GPLD1: variants seen among roughly 807,000 people sequenced by gnomAD.
The protein encoded by GPLD1 is glycosylphosphatidylinositol specific phospholipase D1, also known as phosphatidylinositol-glycan-specific phospholipase D.
A neutral mutation model predicts 112.6 loss-of-function variants in GPLD1; 84 were observed. The observed-to-expected ratio is 0.75, with a 90% confidence interval of 0.63 to 0.89. The LOEUF is 0.89. Ranked by LOEUF, GPLD1 falls within the 40% of genes least tolerant of loss-of-function variation. The pLI, the probability that GPLD1 is intolerant of heterozygous loss-of-function variation, is 0.00. For missense variants in GPLD1, 1,044 were observed against 1,051.5 expected, an observed-to-expected ratio of 0.99 and a Z score of 0.10; for synonymous variants, 386 against 403.8, an observed-to-expected ratio of 0.96 and a Z score of 0.53.
In GPLD1 at chr6:24,468,555, A is replaced by ATT. The variant is rs141748600; in HGVS notation, c.546-1283_546-1282dup. Among the ~76,000 whole-genome samples, 271 of 142,642 alleles carry ATT rather than the reference A, an allele frequency of 1.9e-3. 4 individuals carry two copies. In the South Asian group the frequency reaches 0.024, roughly 13 times the overall value. 93.6% of individuals were successfully genotyped at this position (142,642 alleles called of 152,430 possible). A position where few individuals can be genotyped will look rare whatever the true frequency, so the allele number is the denominator to read the frequency against. On this transcript the variant is annotated intron_variant, in intron 7 of 24. Coordinates refer to ENST00000230036, the MANE Select transcript of GPLD1 (RefSeq NM_001503.4). ...CAATGGACATTTTACTTATTTTTTT[A>ATT]TTTTTATTTTTTTTTTGAGATGGAG...
At chr6:24,471,341 A>T (rs545586108) in intron 7 of GPLD1, among the ~76,000 whole-genome samples, 11 of 152,186 alleles carry the variant, frequency 7.2e-5, no homozygotes, top group African/African-American at 2.4e-4. Context: ...ACAAAACATT[A>T]AAAAATTAGC....
At chr6:24,469,786 A>AT (rs1161668348) in intron 7 of GPLD1, among the ~76,000 whole-genome samples, 1 of 152,084 alleles carries the variant, frequency 6.6e-6, no homozygotes, top group East Asian at 1.9e-4. Flanking sequence ...AATAAAAAAA[A>AT]AATCCTCAGA....
chr6:24,450,048 C>T (rs1344848900), intron 14 of GPLD1, 149 bp from the exon 15 acceptor site: 1 of 584,298 alleles, frequency 1.7e-6, no homozygotes, highest in African/African-American at 1.9e-5. Context: ...ATATCTGCAA[C>T]ACATCAGTTA....
intron 10 of GPLD1, among the ~76,000 whole-genome samples, chr6:24,466,452 A>G (rs1581767525): frequency 6.6e-6 from 1 of 152,214 alleles, no homozygotes; most frequent in East Asian, 1.9e-4. Flanking sequence ...CTGTCTCTCT[A>G]TTTCTAAAAC....
intron 4 of GPLD1, 98 bp downstream of exon 4, chr6:24,476,083 C>T (rs781159446): frequency 1.1e-5 from 7 of 659,314 alleles, no homozygotes; most frequent in Admixed American, 9.6e-5. Flanking sequence ...TGGTGGGCAG[C>T]CCTTACAGAG....
chr6:24,485,267 G>A (rs1485126611), intron 2 of GPLD1, among the ~76,000 whole-genome samples: 1 of 152,206 alleles, frequency 6.6e-6, no homozygotes, highest in Non-Finnish European at 1.5e-5. Flanking sequence ...GCCAGGCATA[G>A]TGGCTCATGC....
chr6:24,450,003 G>A (rs1414882072), intron 14 of GPLD1, 104 bp from the exon 15 acceptor site: 14 of 712,682 alleles, frequency 2.0e-5, no homozygotes, highest in East Asian at 1.1e-4. Context: ...CCCGCCCCCC[G>A]CCACCCAAAA....
chr6:24,437,415 G>T, intron 20 of GPLD1, 126 bp from the exon 21 acceptor site: 1 of 785,818 alleles, frequency 1.3e-6, no homozygotes, highest in Middle Eastern at 3.3e-4. Context: ...TTCGGAGCTG[G>T]TCATCTCCGG....
chr6:24,452,621 C>CA (rs1763127180), intron 14 of GPLD1, among the ~76,000 whole-genome samples: 1 of 152,050 alleles, frequency 6.6e-6, no homozygotes, highest in South Asian at 2.1e-4. Context: ...ACTAAAAATA[C>CA]AAAAATTAGC....
intron 1 of GPLD1, 104 bp from the exon 2 acceptor site, chr6:24,486,234 T>A (rs964999881): frequency 4.1e-6 from 3 of 733,182 alleles, no homozygotes; most frequent in Non-Finnish European, 7.1e-6. Flanking sequence ...TGGTTATAAC[T>A]GTCAAGGACG....
At chr6:24,444,861 A>G (rs1440796265) in intron 20 of GPLD1, among the ~76,000 whole-genome samples, 8 of 152,116 alleles carry the variant, frequency 5.3e-5, no homozygotes, top group Non-Finnish European at 8.8e-5. Flanking sequence ...AAGAAAAATA[A>G]AAGATAGGTC....
At chr6:24,431,014 A>G (rs571808724) in intron 24 of GPLD1, among the ~76,000 whole-genome samples, 1 of 152,362 alleles carries the variant, frequency 6.6e-6, no homozygotes, top group Admixed American at 6.5e-5. Flanking sequence ...GGTTCTTGAC[A>G]ATGCCTAATT....
chr6:24,430,455 C>T (rs953267850), intron 24 of GPLD1, among the ~76,000 whole-genome samples: 1 of 152,156 alleles, frequency 6.6e-6, no homozygotes, highest in Admixed American at 6.5e-5. Flanking sequence ...GGGGCTGGGA[C>T]CATGTCTCAG....
chr6:24,462,706 T>C (rs750523913), intron 11 of GPLD1, 24 bp downstream of exon 11: 12 of 1,536,716 alleles, frequency 7.8e-6, no homozygotes, highest in Middle Eastern at 3.4e-4. Context: ...ACTTTTTCTA[T>C]GAACAATTTT....
At chr6:24,465,203 AAAAAAAAAAAG>A (rs1343211640) in intron 10 of GPLD1, among the ~76,000 whole-genome samples, 2,787 of 143,058 alleles carry the variant, frequency 0.019, 83 homozygotes, top group African/African-American at 0.072. Context: ...TCTCAAAAAA[AAAAAAAAAAAG>A]AAAAGAAAAG....
At chr6:24,450,399 A>C (rs1484020235) in intron 14 of GPLD1, among the ~76,000 whole-genome samples, 1 of 151,924 alleles carries the variant, frequency 6.6e-6, no homozygotes, top group Non-Finnish European at 1.5e-5. Context: ...TACTCTGGAG[A>C]CTGAGGCAGG....
intron 14 of GPLD1, among the ~76,000 whole-genome samples, chr6:24,453,699 C>CGTGTGTGTGTGTGT (rs59607870): frequency 6.0e-5 from 9 of 150,514 alleles, no homozygotes; most frequent in South Asian, 4.2e-4. Flanking sequence ...ACATACATTT[C>CGTGTGTGTGTGTGT]GTGTGTGTGT....
intron 10 of GPLD1, 69 bp from the exon 11 acceptor site, chr6:24,462,864 G>A (rs1485429731): frequency 4.9e-5 from 55 of 1,117,698 alleles, no homozygotes; most frequent in South Asian, 2.8e-4. Flanking sequence ...ACCGAGAATC[G>A]GTAGTGCGCT....
intron 10 of GPLD1, among the ~76,000 whole-genome samples, chr6:24,466,472 A>C (rs1265174503): frequency 1.3e-5 from 2 of 152,272 alleles, no homozygotes; most frequent in African/African-American, 4.8e-5. Flanking sequence ...CACGAGCAGC[A>C]TCAACCAAGC....
Sources: gnomAD v4.1 joint callset for allele counts (sites outside exome capture counted in the v4.1 genomes callset) on GRCh38, gnomAD v4.1.1 for gene constraint, MANE v1.5 for transcripts, NCBI Gene and HGNC (gene_info 2026-07-23, HGNC 2026-07-21) for gene names.